The following CSMD1 variants were observed in gnomAD, a reference collection of about 807,000 sequenced individuals.
CSMD1 encodes CUB and Sushi multiple domains 1.
CSMD1 carries 213 observed loss-of-function variants against 417.5 expected under a neutral mutation model. That is an observed-to-expected ratio of 0.51 (90% confidence interval 0.46 to 0.57). The LOEUF (loss-of-function observed/expected upper bound fraction) is 0.57. Ranked by LOEUF, CSMD1 falls within the 20% of genes least tolerant of loss-of-function variation. CSMD1 has a pLI of 0.00. For missense variants in CSMD1, 6,923 were observed against 4,529.7 expected (o/e 1.53, Z -15.17); for synonymous variants, 2,862 against 1,736.8 (o/e 1.65, Z -16.11).
intron 5 of CSMD1, among the ~76,000 whole-genome samples, chr8:3,917,171 C>G (rs1417002146): frequency 1.3e-5 from 2 of 152,142 alleles, no homozygotes; most frequent in Non-Finnish European, 2.9e-5. Context: ...ATAACGATTA[C>G]AAATATTTAT....
chr8:4,152,696 G>C (rs191859087), intron 3 of CSMD1, among the ~76,000 whole-genome samples: 4 of 143,508 alleles, frequency 2.8e-5, no homozygotes, highest in African/African-American at 1.0e-4. Context: ...TCTCAAAAAA[G>C]AAAAAAAAAA....
chr8:4,214,923 G>C (rs1300059931), intron 3 of CSMD1, among the ~76,000 whole-genome samples: 3 of 150,004 alleles, frequency 2.0e-5, no homozygotes, highest in Non-Finnish European at 4.5e-5. Context: ...TTTGTTTTCA[G>C]CTCACTTTTA....
At chr8:4,081,088 A>T (rs917330577) in intron 3 of CSMD1, among the ~76,000 whole-genome samples, 3 of 152,138 alleles carry the variant, frequency 2.0e-5, no homozygotes, top group Non-Finnish European at 4.4e-5. Context: ...AACACTTTGG[A>T]AGCAGAGAGA....
intron 2 of CSMD1, among the ~76,000 whole-genome samples, chr8:4,427,347 C>G (rs1484882958): frequency 1.3e-5 from 2 of 152,076 alleles, no homozygotes; most frequent in South Asian, 2.1e-4. Flanking sequence ...CAAACTGTGT[C>G]AGGACACGGC....
intron 41 of CSMD1, among the ~76,000 whole-genome samples, chr8:3,122,557 A>G (rs1400432623): frequency 6.6e-6 from 1 of 152,164 alleles, no homozygotes; most frequent in Non-Finnish European, 1.5e-5. Context: ...AAATGTTGTG[A>G]ATGTGGGAGG....
chr8:3,023,434 G>C (rs536558904), intron 51 of CSMD1, among the ~76,000 whole-genome samples: 1 of 152,168 alleles, frequency 6.6e-6, no homozygotes. Context: ...AAGAGTAAGA[G>C]CCTTCTACTT....
intron 25 of CSMD1, among the ~76,000 whole-genome samples, chr8:3,291,285 TC>T (rs1378661027): frequency 6.6e-6 from 1 of 152,188 alleles, no homozygotes; most frequent in Non-Finnish European, 1.5e-5. Flanking sequence ...TCTAAAATTC[TC>T]TTTTTTTGTT....
chr8:4,636,728 A>C (rs996266773), intron 2 of CSMD1, among the ~76,000 whole-genome samples: 2 of 152,208 alleles, frequency 1.3e-5, no homozygotes, highest in Non-Finnish European at 2.9e-5. Context: ...GTATAGAAAA[A>C]GTATGCACAA....
chr8:3,743,033 T>C (rs114699992), intron 6 of CSMD1, among the ~76,000 whole-genome samples: 6,269 of 152,250 alleles, frequency 0.041, 466 homozygotes, highest in African/African-American at 0.14. Context: ...AGCACACTTG[T>C]CTCACTTGAC....
chr8:3,187,995 T>C, intron 35 of CSMD1, 30 bp from the exon 36 acceptor site: 2 of 1,583,740 alleles, frequency 1.3e-6, no homozygotes, highest in African/African-American at 1.3e-5. Context: ...AGTTAATATT[T>C]ATTTTTGGCT....
chr8:4,478,266 C>A (rs1453645908), intron 2 of CSMD1, among the ~76,000 whole-genome samples: 1 of 152,134 alleles, frequency 6.6e-6, no homozygotes, highest in African/African-American at 2.4e-5. Flanking sequence ...TCCCAATTTG[C>A]TCCTAAGGTT....
At chr8:4,208,853 T>A (rs989747283) in intron 3 of CSMD1, among the ~76,000 whole-genome samples, 1 of 152,170 alleles carries the variant, frequency 6.6e-6, no homozygotes, top group Non-Finnish European at 1.5e-5. Context: ...GAGGTAGCAA[T>A]AAGTATCCAT....
intron 1 of CSMD1, among the ~76,000 whole-genome samples, chr8:4,786,561 G>C (rs941273377): frequency 6.6e-5 from 10 of 152,156 alleles, no homozygotes; most frequent in Non-Finnish European, 1.5e-5. Context: ...TATATTTAGA[G>C]AGCATTTAAA....
At chr8:3,555,511 G>GCC (rs1257516438) in intron 10 of CSMD1, among the ~76,000 whole-genome samples, 2 of 152,150 alleles carry the variant, frequency 1.3e-5, no homozygotes, top group Non-Finnish European at 2.9e-5. Flanking sequence ...TATGCACTGA[G>GCC]CCCCATTTGC....
At chr8:4,793,835 GAAA>G (rs35760193) in intron 1 of CSMD1, among the ~76,000 whole-genome samples, 4,217 of 132,400 alleles carry the variant, frequency 0.032, 91 homozygotes, top group Non-Finnish European at 0.046. Context: ...CCCAGAATAG[GAAA>G]AAAAAAAAAA....
intron 5 of CSMD1, among the ~76,000 whole-genome samples, chr8:3,830,847 C>G (rs1802335580): frequency 6.6e-6 from 1 of 152,108 alleles, no homozygotes; most frequent in African/African-American, 2.4e-5. Context: ...TTCATGCATG[C>G]CTAATGACAG....
intron 12 of CSMD1, among the ~76,000 whole-genome samples, chr8:3,445,086 C>T (rs981559700): frequency 1.3e-5 from 2 of 152,094 alleles, no homozygotes; most frequent in African/African-American, 2.4e-5. Context: ...GCAAATTCAA[C>T]AGGGAAAAAG....
At chr8:4,300,725 C>G (rs1188058692) in intron 3 of CSMD1, among the ~76,000 whole-genome samples, 1 of 152,136 alleles carries the variant, frequency 6.6e-6, no homozygotes, top group Non-Finnish European at 1.5e-5. Context: ...TGATGTTCCC[C>G]TTCCTGCGTC....
At chr8:3,017,514 G>C (rs1007396915) in intron 52 of CSMD1, among the ~76,000 whole-genome samples, 2 of 152,092 alleles carry the variant, frequency 1.3e-5, no homozygotes, top group Admixed American at 1.3e-4. Context: ...TAATACACTA[G>C]ACAGAGTGAG....
Sources: gnomAD v4.1 joint callset for allele counts (sites outside exome capture counted in the v4.1 genomes callset) on GRCh38, gnomAD v4.1.1 for gene constraint, MANE v1.5 for transcripts, NCBI Gene and HGNC (gene_info 2026-07-23, HGNC 2026-07-21) for gene names.